Variants in PCDH15 observed in about 807,000 individuals in gnomAD.
PCDH15 encodes protocadherin-15.
In PCDH15, 129 loss-of-function variants were observed where a neutral mutation model predicts 178.5. The ratio of observed to expected loss-of-function variants is 0.72; its 90% confidence interval spans 0.63 to 0.84. The LOEUF is 0.84. Among genes scored for constraint, PCDH15 ranks in the 40% least tolerant of loss-of-function variants. The probability of loss-of-function intolerance (pLI) is 0.00; values close to 1 mark genes in which losing one functional copy is unlikely to be tolerated. For missense variants in PCDH15, 2,230 were observed against 2,099.9 expected (o/e 1.06, Z -1.21); for synonymous variants, 800 against 732.0 (o/e 1.09, Z -1.50).
chr10:55,311,564 T>C (rs1564995590), intron 1 of PCDH15, among the ~76,000 whole-genome samples: 1 of 152,216 alleles, frequency 6.6e-6, no homozygotes, highest in African/African-American at 2.4e-5. Flanking sequence ...TGAAAAGTTA[T>C]AAAAAGGATT....
At chr10:54,254,161 GAAT>G (rs1398838659) in intron 8 of PCDH15, among the ~76,000 whole-genome samples, 1 of 151,996 alleles carries the variant, frequency 6.6e-6, no homozygotes, top group East Asian at 1.9e-4. Context: ...ATTGAATAAA[GAAT>G]AATAACATCC....
chr10:54,430,783 T>A lies in PCDH15; in HGVS notation c.158-51841A>T, dbSNP rs112360247. Among the ~76,000 whole-genome samples the A allele has an allele frequency of 7.9e-3, 1,196 of 150,580 alleles. 16 individuals carry two copies. The highest frequency in any genetic ancestry group is 0.028 in the African/African-American group (1,134 of 41,030). On this transcript the variant is annotated intron_variant, in intron 3 of 37. Coordinates refer to ENST00000644397, the MANE Select transcript of PCDH15 (RefSeq NM_001384140.1). ...ATAAAGACAAGAGCAGAAAAAAAAATTCCAATGAAGAAAACAATACAAAAG... is the reference window on the plus strand; with the variant it reads ...ATAAAGACAAGAGCAGAAAAAAAAAATCCAATGAAGAAAACAATACAAAAG...
chr10:54,822,090 C>A (rs1953051588), intron 3 of PCDH15, among the ~76,000 whole-genome samples: 1 of 152,190 alleles, frequency 6.6e-6, no homozygotes, highest in Admixed American at 6.5e-5. Flanking sequence ...TGCAAGCATA[C>A]AATGTGCAAC....
At chr10:55,472,465 CTTTTTTT>C (rs71014493) in intron 2 of PCDH15, among the ~76,000 whole-genome samples, 3 of 99,768 alleles carry the variant, frequency 3.0e-5, no homozygotes, top group East Asian at 6.2e-4. Context: ...TTTGAATTAG[CTTTTTTT>C]TTTTTTTTTT....
intron 2 of PCDH15, among the ~76,000 whole-genome samples, chr10:54,570,125 G>A (rs1353623263): frequency 2.0e-5 from 3 of 151,924 alleles, no homozygotes. Context: ...TTGTGTGATA[G>A]GTGGAAATTC....
intron 2 of PCDH15, among the ~76,000 whole-genome samples, chr10:55,460,598 T>G (rs1839655739): frequency 6.6e-6 from 1 of 152,118 alleles, no homozygotes. Context: ...TGCCTCTGCT[T>G]AACACTTTGA....
chr10:55,436,501 T>C (rs1839044176), intron 2 of PCDH15, among the ~76,000 whole-genome samples: 1 of 152,136 alleles, frequency 6.6e-6, no homozygotes, highest in East Asian at 1.9e-4. Context: ...GGCTTTTGTT[T>C]TGTTTAATTT....
intron 26 of PCDH15, among the ~76,000 whole-genome samples, chr10:53,882,116 G>C (rs1298371463): frequency 1.0e-5 from 1 of 100,148 alleles, no homozygotes; most frequent in Admixed American, 1.2e-4. Context: ...TGGGAGAAAA[G>C]CTGAGTGTTG....
At position 53,806,834 on chromosome 10, in the gene PCDH15, C is replaced by T. The variant is rs1041695117; in HGVS notation, c.4968G>A (p.Lys1656=). Residue 1656 remains lysine (K), a synonymous_variant, in exon 38 of 38, where the codon AAG becomes AAA. Coordinates refer to ENST00000644397, the MANE Select transcript of PCDH15 (RefSeq NM_001384140.1). The stretch of plus-strand genomic sequence containing the variant: ...TCATTTTTTCAGTAGAAAATGGCCC[C>T]TTTGATAATGTGTTCAGAGGTACAT... ...EENVPLNTLS[K]GPFSTEKMNA... 17 of 1,613,780 alleles carry T rather than the reference C, an allele frequency of 1.1e-5. No homozygotes were observed. The African/African-American group carries it at 2.1e-4, about 20-fold the overall frequency.
intron 2 of PCDH15, among the ~76,000 whole-genome samples, chr10:54,993,691 A>G (rs1046487131): frequency 6.6e-6 from 1 of 152,178 alleles, no homozygotes; most frequent in Non-Finnish European, 1.5e-5. Flanking sequence ...CAAGTGAGGT[A>G]GAGCCTCTTA....
In PCDH15 at chr10:55,033,681, A is replaced by C. The variant is rs530094548; in HGVS notation, c.-80+132895T>G. On this transcript the variant is annotated intron_variant, in intron 2 of 5. Transcript: ENST00000458638. ...TGTTTAGATGAGACTTTGGACTTAG[A>C]CTTTAAAGTTGATTCTGAAACAAGT... is the stretch of plus-strand genomic sequence containing the variant. Among the ~76,000 whole-genome samples, 6 of 152,274 alleles carry C rather than the reference A, an allele frequency of 3.9e-5. 1 individual carries two copies. The highest frequency in any genetic ancestry group is 1.4e-4 in the African/African-American group (6 of 41,574).
intron 6 of PCDH15, among the ~76,000 whole-genome samples, chr10:54,330,682 C>A (rs1939326049): frequency 6.6e-6 from 1 of 151,856 alleles, no homozygotes; most frequent in Non-Finnish European, 1.5e-5. Flanking sequence ...GTCATAAGGG[C>A]AACACTAGTG....
intron 9 of PCDH15, among the ~76,000 whole-genome samples, chr10:54,234,371 C>A (rs2054405010): frequency 6.6e-6 from 1 of 152,072 alleles, no homozygotes; most frequent in African/African-American, 2.4e-5. Flanking sequence ...GTACAAAGAT[C>A]TATTTTTGTT....
chr10:55,172,221 A>G (rs920116333), intron 1 of PCDH15, among the ~76,000 whole-genome samples: 2 of 151,998 alleles, frequency 1.3e-5, no homozygotes, highest in African/African-American at 4.8e-5. Context: ...ACTGACAAAA[A>G]TGAACACCTA....
intron 2 of PCDH15, among the ~76,000 whole-genome samples, chr10:55,454,883 T>G (rs1839517278): frequency 1.3e-5 from 2 of 151,992 alleles, no homozygotes; most frequent in African/African-American, 4.8e-5. Context: ...CTTAAAGTTT[T>G]GCTTTTCCTG....
chr10:53,995,373 C>A (rs1589820419), intron 21 of PCDH15: 2 of 476,836 alleles, frequency 4.2e-6, no homozygotes, highest in East Asian at 4.1e-5. Context: ...CAAATGGAGA[C>A]AATTCATATA....
At position 54,227,122 on chromosome 10, in the gene PCDH15, C is replaced by T. The variant is rs150622027; in HGVS notation, c.985+9701G>A. 8.1e-3 allele frequency among the ~76,000 whole-genome samples: 1,232 copies of T among 152,312 alleles called. 10 individuals carry two copies. The highest frequency in any genetic ancestry group is 0.026 in the African/African-American group (1,071 of 41,582). On this transcript the variant is annotated intron_variant, in intron 9 of 37. Coordinates refer to ENST00000644397, the MANE Select transcript of PCDH15 (RefSeq NM_001384140.1). ...TGGTGGCCCTCTTCTCACAGCTCCACTAGGTGGTGCCCCAGTAGGGACTCA... is the reference window on the plus strand; with the variant it reads ...TGGTGGCCCTCTTCTCACAGCTCCATTAGGTGGTGCCCCAGTAGGGACTCA...
At chr10:54,935,028 A>G (rs1837870367) in intron 2 of PCDH15, among the ~76,000 whole-genome samples, 1 of 150,656 alleles carries the variant, frequency 6.6e-6, no homozygotes, top group Non-Finnish European at 1.5e-5. Context: ...GGAACTGAAC[A>G]ATGAGAACAC....
At position 53,984,132 on chromosome 10, in the gene PCDH15, TTTTC is replaced by T. The variant is rs1366095642; in HGVS notation, c.2868+11513_2868+11516del. Among the ~76,000 whole-genome samples, 28 of 99,404 alleles carry T rather than the reference TTTTC, an allele frequency of 2.8e-4. 1 individual carries two copies. The highest frequency in any genetic ancestry group is 9.2e-4 in the African/African-American group (26 of 28,290). 65.2% of individuals were successfully genotyped at this position (99,404 alleles called of 152,430 possible). A position where few individuals can be genotyped will look rare whatever the true frequency, so the allele number is the denominator to read the frequency against. On this transcript the variant is annotated intron_variant, in intron 21 of 37. Coordinates refer to ENST00000644397, the MANE Select transcript of PCDH15 (RefSeq NM_001384140.1). ...TTTCTAAGTGCTTTTCTTTTTTTTT[TTTTC>T]TTTTTTCTTTTCTTTTTTTTTTTTT...
Sources: allele counts gnomAD v4.1 joint callset (sites outside exome capture counted in the v4.1 genomes callset), GRCh38; gene constraint gnomAD v4.1.1; transcripts MANE v1.5; gene names NCBI Gene and HGNC (gene_info 2026-07-23, HGNC 2026-07-21).